The following ZNF528 variants were observed in gnomAD, a reference collection of about 807,000 sequenced individuals.
ZNF528 encodes zinc finger protein 528.
ZNF528 carries 9 observed loss-of-function variants against 13.3 expected under a neutral mutation model. That is an observed-to-expected ratio of 0.67 (90% CI 0.41 to 1.18). The LOEUF is 1.18. ZNF528 is among the 50% of genes most tolerant of loss of function. The pLI, the probability that ZNF528 is intolerant of heterozygous loss-of-function variation, is 0.01. For missense variants in ZNF528, 858 were observed against 745.4 expected, an observed-to-expected ratio of 1.15 and a Z score of -1.76; for synonymous variants, 264 against 254.3, an observed-to-expected ratio of 1.04 and a Z score of -0.36.
chr19:52,404,426 C>T (rs568549107), intron 4 of ZNF528, among the ~76,000 whole-genome samples: 3 of 152,080 alleles, frequency 2.0e-5, no homozygotes, highest in East Asian at 1.9e-4. Flanking sequence ...TGGGGTTTCA[C>T]CATGTTGGCC....
At chr19:52,405,820 G>A in intron 4 of ZNF528, 87 bp from the exon 5 acceptor site, 1 of 1,552,024 alleles carries the variant, frequency 6.4e-7, no homozygotes, top group Non-Finnish European at 8.8e-7. Flanking sequence ...CATAAGTGGA[G>A]TCAGTCCTTA....
rs2058991532 is a variant in ZNF528, at chr19:52,415,666, C to T, written c.814C>T (p.His272Tyr). Residue 272 changes from histidine to tyrosine, a missense_variant, in exon 7 of 7, where the codon CAT becomes TAT. Coordinates refer to ENST00000360465, the MANE Select transcript of ZNF528 (RefSeq NM_032423.3). ...IHTGEKPYKC[H>Y]ECDKVFRSSS... ...TACTGGAGAGAAGCCTTACAAATGTCATGAATGTGACAAGGTCTTTCGAAG... is the reference window on the plus strand; with the variant it reads ...TACTGGAGAGAAGCCTTACAAATGTTATGAATGTGACAAGGTCTTTCGAAG... 1.2e-6 allele frequency: 2 copies of T among 1,613,682 alleles called. No homozygotes were observed. The highest frequency in any genetic ancestry group is 1.6e-4 in the Middle Eastern group (1 of 6,082).
chr19:52,400,242 A>G (rs1249843726), intron 2 of ZNF528, among the ~76,000 whole-genome samples: 1 of 149,902 alleles, frequency 6.7e-6, no homozygotes, highest in Admixed American at 6.7e-5. Flanking sequence ...ACACACACAC[A>G]CACACACACA....
intron 1 of ZNF528, among the ~76,000 whole-genome samples, 152 bp from the exon 2 acceptor site, chr19:52,398,215 C>G (rs1427871436): frequency 2.6e-5 from 4 of 152,212 alleles, no homozygotes; most frequent in African/African-American, 9.6e-5. Context: ...CTCCGTTCCC[C>G]TAGCCTCGCC....
intron 5 of ZNF528, 126 bp from the exon 6 acceptor site, chr19:52,406,389 C>CA: frequency 7.3e-7 from 1 of 1,369,264 alleles, no homozygotes. Context: ...CAGAAAGAGG[C>CA]AGTCAGTAGA....
chr19:52,416,152 G>C lies in ZNF528; in HGVS notation c.1300G>C (p.Glu434Gln), dbSNP rs965826149. Residue 434 changes from glutamate to glutamine, a missense_variant, in exon 7 of 7, where the codon GAG (glutamate) becomes CAG (glutamine). Glu to Gln is a conservative substitution (Grantham distance 29). Transcript: ENST00000360465. ...LIRHRKTHTD[E>Q]KPYKCNKCGT... ...ACGACATCGAAAAACTCATACTGAT[G>C]AGAAGCCTTACAAATGTAATAAATG... The C allele has an allele frequency of 1.2e-6, 2 of 1,614,104 alleles. No individual in the cohort carries two copies. The highest frequency in any genetic ancestry group is 1.7e-6 in the Non-Finnish European group (2 of 1,180,010).
At chr19:52,406,735 A>C in intron 6 of ZNF528, 92 bp downstream of exon 6, 1 of 1,474,816 alleles carries the variant, frequency 6.8e-7, no homozygotes, top group Non-Finnish European at 9.0e-7. Flanking sequence ...GTGCGGTGGC[A>C]ATCATAGCTC....
chr19:52,398,214 C>T (rs1430764688), intron 1 of ZNF528, among the ~76,000 whole-genome samples, 153 bp from the exon 2 acceptor site: 4 of 152,224 alleles, frequency 2.6e-5, no homozygotes, highest in Admixed American at 2.0e-4. Flanking sequence ...TCTCCGTTCC[C>T]CTAGCCTCGC....
At chr19:52,409,387 T>A (rs1276959147) in intron 6 of ZNF528, among the ~76,000 whole-genome samples, 1 of 151,330 alleles carries the variant, frequency 6.6e-6, no homozygotes, top group East Asian at 2.0e-4. Flanking sequence ...CACTGCAGCC[T>A]CCACCTCCCG....
chr19:52,403,037 A>G (rs1191424396), intron 4 of ZNF528, among the ~76,000 whole-genome samples: 1 of 152,220 alleles, frequency 6.6e-6, no homozygotes, highest in African/African-American at 2.4e-5. Context: ...ATGGATATTT[A>G]GTAGAGATTG....
chr19:52,407,209 G>A (rs977975383), intron 6 of ZNF528, among the ~76,000 whole-genome samples: 7 of 151,680 alleles, frequency 4.6e-5, no homozygotes, highest in African/African-American at 1.7e-4. Flanking sequence ...CATGATTACG[G>A]CTTGCTGCAT....
intron 5 of ZNF528, 143 bp from the exon 6 acceptor site, chr19:52,406,372 A>G: frequency 1.6e-6 from 2 of 1,269,298 alleles, no homozygotes; most frequent in South Asian, 1.7e-5. Flanking sequence ...AATGTTCCCT[A>G]AGCATTCAGA....
At chr19:52,400,099 G>T (rs2058773712) in intron 2 of ZNF528, among the ~76,000 whole-genome samples, 1 of 152,074 alleles carries the variant, frequency 6.6e-6, no homozygotes, top group Admixed American at 6.6e-5. Context: ...TGCTGAGACT[G>T]TGTGCCACAG....
Position 52,416,163 on chromosome 19 carries a change from C to G in ZNF528, c.1311C>G (p.Tyr437Ter). 2 of 1,614,076 alleles carry G rather than the reference C, an allele frequency of 1.2e-6. No homozygotes were observed. Among genetic ancestry groups the G allele is most frequent in the Non-Finnish European group, 1.7e-6 (2 of 1,180,000 alleles). Residue 437 changes from tyrosine to a stop codon, truncating the protein, a stop_gained, in exon 7 of 7, where the codon TAC becomes TAG. Coordinates refer to ENST00000360465, the MANE Select transcript of ZNF528 (RefSeq NM_032423.3). LOFTEE classifies it low-confidence loss of function (END_TRUNC). Reference sequence around the variant, plus strand: ...AAACTCATACTGATGAGAAGCCTTACAAATGTAATAAATGTGGCACAGCGT... The same window carrying G: ...AAACTCATACTGATGAGAAGCCTTAGAAATGTAATAAATGTGGCACAGCGT... ...HRKTHTDEKP[Y>*]KCNKCGTAFR...
rs370914123 is a variant in ZNF528, at chr19:52,415,291, C to A, written c.439C>A (p.Pro147Thr). Residue 147 changes from proline to threonine, a missense_variant, in exon 7 of 7, where the codon CCG (proline) becomes ACG (threonine). Transcript: ENST00000360465. ...CGTCAGTGACAATTCCTCAGTTTCA[C>A]CGCTTGAAAAAATTTCTTCCAGTGT... ...KPVSDNSSVSPLEKISSSVKS... is the reference protein window; with the variant it reads ...KPVSDNSSVSTLEKISSSVKS... 1 of 1,613,040 alleles carries A rather than the reference C, an allele frequency of 6.2e-7. No individual in the cohort carries two copies.
Position 52,415,995 on chromosome 19 carries a change from C to T in ZNF528, c.1143C>T (p.Tyr381=). 1.9e-6 allele frequency: 3 copies of T among 1,614,100 alleles called. No individual in the cohort carries two copies. Reference sequence around the variant, plus strand: ...TAATTCACACTGGAAGGAAACCTTACAAATGTAAAGAATGTGACAAGGTCT... The same window carrying T: ...TAATTCACACTGGAAGGAAACCTTATAAATGTAAAGAATGTGACAAGGTCT... The part of the protein sequence containing the change: ...HQLIHTGRKP[Y]KCKECDKVFG... The change falls in exon 7 of 7, where the codon TAC becomes TAT. Residue 381 remains tyrosine, a synonymous_variant. Coordinates refer to ENST00000360465, the MANE Select transcript of ZNF528 (RefSeq NM_032423.3).
chr19:52,416,285 CT>C lies in ZNF528; in HGVS notation c.1435del (p.Ser479LeufsTer2), dbSNP rs756109562. ...TGTGGCAAAGTCTTCAGGTACAAGT[CT>C]TCTCTAACCAGTCATCATAGAATTC... Reference protein sequence around the residue: ...KECGKVFRYKSSLTSHHRIHT... With the variant: ...KECGKVFRYKXSLTSHHRIHT... On this transcript the variant is annotated frameshift_variant, in exon 7 of 7. Coordinates refer to ENST00000360465, the MANE Select transcript of ZNF528 (RefSeq NM_032423.3). LOFTEE classifies it low-confidence loss of function (END_TRUNC). The C allele has an allele frequency of 6.2e-7, 1 of 1,614,084 alleles. No homozygotes were observed. Among genetic ancestry groups the C allele is most frequent in the South Asian group, 1.1e-5 (1 of 91,078 alleles).
rs1202520097 is a variant in ZNF528, at chr19:52,398,501, C to G, written c.-255C>G. 5.6e-6 allele frequency: 5 copies of G among 899,016 alleles called. No individual in the cohort carries two copies. Among genetic ancestry groups the G allele is most frequent in the African/African-American group, 1.8e-5 (1 of 55,634 alleles). The allele number at this position is 899,016 out of a possible 1,614,324, so 55.7% of individuals were successfully genotyped here. On this transcript the variant is annotated 5_prime_UTR_variant, in exon 2 of 7. Transcript: ENST00000360465. The stretch of plus-strand genomic sequence containing the variant: ...CTCTTCCGGAAGTGGGCATCTTATT[C>G]CAATCCCCTCCCTGTGAATGTGTGG...
chr19:52,416,484 T>C lies in ZNF528; in HGVS notation c.1632T>C (p.Thr544=), dbSNP rs2059006438. ...TTACAAGACATCAAATAATTCATAC[T>C]GGAGAGAGGCCTTACAGATGTAGTA... is the stretch of plus-strand genomic sequence containing the variant. ...SYLTRHQIIH[T]GERPYRCSKC... is the part of the protein sequence containing the mutation. Residue 544 remains threonine (T), a synonymous_variant, in exon 7 of 7, where the codon ACT becomes ACC. Transcript: ENST00000360465. The C allele has an allele frequency of 6.2e-7, 1 of 1,614,192 alleles. No individual in the cohort carries two copies. The highest frequency in any genetic ancestry group is 8.5e-7 in the Non-Finnish European group (1 of 1,180,030).
Sources: gnomAD v4.1 joint callset for allele counts (sites outside exome capture counted in the v4.1 genomes callset) on GRCh38, gnomAD v4.1.1 for gene constraint, MANE v1.5 for transcripts, NCBI Gene and HGNC (gene_info 2026-07-23, HGNC 2026-07-21) for gene names.